The following WWOX variants were observed in gnomAD, a reference collection of about 807,000 sequenced individuals.
The protein encoded by WWOX is WW domain containing oxidoreductase.
In WWOX, 69 loss-of-function variants were observed where a neutral mutation model predicts 46.2. The ratio of observed to expected loss-of-function variants is 1.49; its 90% CI spans 1.23 to 1.82. The LOEUF (loss-of-function observed/expected upper bound fraction) is 1.82, where lower values mean the gene tolerates loss of function less well. Ranked by LOEUF, WWOX falls within the 40% of genes most tolerant of loss-of-function variation. WWOX has a pLI of 0.00. For synonymous variants in WWOX, 359 were observed against 202.6 expected (o/e 1.77, Z -6.56); for missense variants, 919 against 542.6 (o/e 1.69, Z -6.89).
At chr16:78,489,315 G>A (rs1261741447) in intron 8 of WWOX, among the ~76,000 whole-genome samples, 2 of 152,082 alleles carry the variant, frequency 1.3e-5, no homozygotes, top group African/African-American at 2.4e-5. Context: ...AGCTGAGGTC[G>A]CTCTGCTTGG....
chr16:78,559,861 C>T (rs1286141565), intron 8 of WWOX, among the ~76,000 whole-genome samples: 2 of 152,164 alleles, frequency 1.3e-5, no homozygotes, highest in African/African-American at 4.8e-5. Flanking sequence ...CCCTCCTTCC[C>T]CCCTCTATCT....
intron 8 of WWOX, among the ~76,000 whole-genome samples, chr16:78,627,936 C>T (rs1019903599): frequency 1.3e-5 from 2 of 152,210 alleles, no homozygotes; most frequent in African/African-American, 2.4e-5. Flanking sequence ...TGTTTTCTGC[C>T]TTGAGTGTCA....
intron 8 of WWOX, among the ~76,000 whole-genome samples, chr16:78,574,715 A>G (rs563261943): frequency 6.6e-6 from 1 of 151,936 alleles, no homozygotes; most frequent in South Asian, 2.1e-4. Context: ...ACAAAGACAT[A>G]TGATCTGACT....
At chr16:79,154,417 C>G (rs8058094) in intron 8 of WWOX, among the ~76,000 whole-genome samples, 13,998 of 151,478 alleles carry the variant, frequency 0.092, 1,222 homozygotes, top group African/African-American at 0.23. Flanking sequence ...ATTTTCAATA[C>G]TGGCCCCTCA....
intron 8 of WWOX, among the ~76,000 whole-genome samples, chr16:79,081,726 T>C (rs928555561): frequency 3.3e-5 from 5 of 152,136 alleles, no homozygotes; most frequent in African/African-American, 4.8e-5. Context: ...ATTTAGACCA[T>C]GCCAAGTGTG....
intron 8 of WWOX, among the ~76,000 whole-genome samples, chr16:78,901,879 C>T (rs548111715): frequency 6.6e-6 from 1 of 152,210 alleles, no homozygotes; most frequent in African/African-American, 2.4e-5. Flanking sequence ...ACGGGCCTCT[C>T]CTACAAATCT....
intron 4 of WWOX, among the ~76,000 whole-genome samples, chr16:78,119,685 C>G (rs1287229790): frequency 6.6e-6 from 1 of 151,074 alleles, no homozygotes; most frequent in Non-Finnish European, 1.5e-5. Flanking sequence ...GTGTTGGTCT[C>G]AAACTCCTGG....
intron 5 of WWOX, among the ~76,000 whole-genome samples, chr16:78,212,028 G>A (rs1023844117): frequency 2.0e-5 from 3 of 152,122 alleles, no homozygotes; most frequent in Non-Finnish European, 4.4e-5. Flanking sequence ...ATCTTCTTTT[G>A]TTATTATTTG....
At chr16:78,928,828 A>C (rs919583180) in intron 8 of WWOX, among the ~76,000 whole-genome samples, 3 of 152,260 alleles carry the variant, frequency 2.0e-5, no homozygotes, top group Non-Finnish European at 4.4e-5. Context: ...ATGAACTTGA[A>C]CCCAAGCTTC....
intron 8 of WWOX, among the ~76,000 whole-genome samples, chr16:78,869,541 T>G (rs1327031081): frequency 1.3e-5 from 2 of 152,204 alleles, no homozygotes; most frequent in East Asian, 1.9e-4. Flanking sequence ...ATGACCCAAG[T>G]CTGGTCAATT....
intron 5 of WWOX, among the ~76,000 whole-genome samples, chr16:78,228,589 A>T (rs925245987): frequency 6.6e-6 from 1 of 151,884 alleles, no homozygotes; most frequent in African/African-American, 2.4e-5. Context: ...CGATCCTCCC[A>T]CCTTGGCCTC....
chr16:78,420,751 A>C (rs945848905), intron 6 of WWOX, among the ~76,000 whole-genome samples: 4 of 151,924 alleles, frequency 2.6e-5, no homozygotes, highest in Admixed American at 6.6e-5. Flanking sequence ...TACAGTATAC[A>C]TAGGTAGATT....
At chr16:78,913,264 C>T (rs2045158408) in intron 8 of WWOX, among the ~76,000 whole-genome samples, 1 of 151,830 alleles carries the variant, frequency 6.6e-6, no homozygotes, top group Admixed American at 6.6e-5. Flanking sequence ...AAGCAGAGGC[C>T]CCAAGACATC....
intron 5 of WWOX, among the ~76,000 whole-genome samples, chr16:78,304,167 C>T (rs2080092291): frequency 1.3e-5 from 2 of 152,220 alleles, no homozygotes; most frequent in South Asian, 2.1e-4. Flanking sequence ...TCCCGATCAG[C>T]TGTTTGTTAT....
At chr16:78,935,261 C>T (rs2045711657) in intron 8 of WWOX, among the ~76,000 whole-genome samples, 1 of 152,136 alleles carries the variant, frequency 6.6e-6, no homozygotes. Context: ...TGGGTATATA[C>T]CCAAAGGATT....
At chr16:78,381,127 A>T (rs1171872496) in intron 5 of WWOX, among the ~76,000 whole-genome samples, 2 of 152,174 alleles carry the variant, frequency 1.3e-5, no homozygotes, top group African/African-American at 2.4e-5. Context: ...TGCTGCAATG[A>T]CAATATCTCC....
In WWOX at chr16:78,190,520, C is replaced by T. The variant is rs565678597; in HGVS notation, c.516+26231C>T. On this transcript the variant is annotated intron_variant, in intron 5 of 8. Coordinates refer to ENST00000566780, the MANE Select transcript of WWOX (RefSeq NM_016373.4). ...GCCTGCTGGGTACTGAGTGTCTCCCCGACCGACCCCATGATGGCTACAGTG... is the reference window on the plus strand; with the variant it reads ...GCCTGCTGGGTACTGAGTGTCTCCCTGACCGACCCCATGATGGCTACAGTG... 1.4e-4 allele frequency among the ~76,000 whole-genome samples: 22 copies of T among 152,248 alleles called. 1 individual carries two copies. The South Asian group carries it at 1.7e-3, about 11-fold the overall frequency.
At position 79,011,442 on chromosome 16, in the gene WWOX, C is replaced by A. The variant is rs549725139; in HGVS notation, c.1057-200166C>A. 1.3e-4 allele frequency among the ~76,000 whole-genome samples: 19 copies of A among 148,866 alleles called. No individual in the cohort carries two copies. In the South Asian group the frequency reaches 3.0e-3, roughly 24 times the overall value. ...TTTGGTTTTCATCCCCCATAGTCTT[C>A]CTTTTTTTATTTTTTATTTTATTTA... is the stretch of plus-strand genomic sequence containing the variant. On this transcript the variant is annotated intron_variant, in intron 8 of 8. Transcript: ENST00000566780.
chr16:78,485,715 G>A (rs1054587399), intron 8 of WWOX, among the ~76,000 whole-genome samples: 1 of 152,170 alleles, frequency 6.6e-6, no homozygotes, highest in African/African-American at 2.4e-5. Context: ...TTGCTTGAAC[G>A]CTGGCTCCAG....
Sources: allele counts gnomAD v4.1 joint callset (sites outside exome capture counted in the v4.1 genomes callset), GRCh38; gene constraint gnomAD v4.1.1; transcripts MANE v1.5; gene names NCBI Gene and HGNC (gene_info 2026-07-23, HGNC 2026-07-21).